The following MSMO1 variants were observed in gnomAD, a reference collection of about 807,000 sequenced individuals.
MSMO1 encodes the protein methylsterol monooxygenase 1.
MSMO1 carries 18 observed loss-of-function variants against 30.4 expected under a neutral mutation model. That is an observed-to-expected ratio of 0.59 (90% confidence interval 0.41 to 0.88). The LOEUF (loss-of-function observed/expected upper bound fraction) is 0.88. Among genes scored for constraint, MSMO1 ranks in the 40% least tolerant of loss-of-function variants. The pLI, the probability that MSMO1 is intolerant of heterozygous loss-of-function variation, is 0.00. For synonymous variants in MSMO1, 84 were observed against 107.9 expected, an observed-to-expected ratio of 0.78 and a Z score of 1.37; for missense variants, 284 against 340.5, an observed-to-expected ratio of 0.83 and a Z score of 1.31.
At chr4:165,336,126 T>C (rs1419090331) in intron 2 of MSMO1, among the ~76,000 whole-genome samples, 1 of 152,156 alleles carries the variant, frequency 6.6e-6, no homozygotes, top group African/African-American at 2.4e-5. Context: ...AAAGACTTTC[T>C]GCTTTCAAAC....
At chr4:165,332,818 C>G (rs1328647326) in intron 1 of MSMO1, among the ~76,000 whole-genome samples, 1 of 152,108 alleles carries the variant, frequency 6.6e-6, no homozygotes, top group East Asian at 1.9e-4. Flanking sequence ...AGTCTTTTTT[C>G]TAAAGCACAC....
Position 165,337,827 on chromosome 4 carries a change from C to G in MSMO1, c.294C>G (p.Phe98Leu). The change falls in exon 3 of 6, where the codon TTC becomes TTG. Residue 98 changes from phenylalanine (F) to leucine (L), a missense_variant. By Grantham distance (22) the Phe-to-Leu change is conservative (BLOSUM62 0). Transcript: ENST00000261507. ...PETWENQWKC[F>L]KVLLFNHFCI... ...CATGGGAAAACCAATGGAAGTGTTT[C>G]AAAGTTCTTCTCTTTAATCACTTCT... 1.2e-6 allele frequency: 2 copies of G among 1,613,522 alleles called. No homozygotes were observed. Among genetic ancestry groups the G allele is most frequent in the Non-Finnish European group, 1.7e-6 (2 of 1,179,668 alleles).
chr4:165,333,563 T>A lies in MSMO1; in HGVS notation c.193T>A (p.Phe65Ile), dbSNP rs1426739075. Reference protein sequence around the residue: ...LIVHEALYFLFCLPGFLFQFI... With the variant: ...LIVHEALYFLICLPGFLFQFI... The stretch of plus-strand genomic sequence containing the variant: ...AGTTCATGAAGCCCTTTATTTCTTA[T>A]TCTGTTTACCTGGATTTTTATTTCA... The change falls in exon 2 of 6, where the codon TTC becomes ATC. Residue 65 changes from phenylalanine to isoleucine, a missense_variant. Phe to Ile is a conservative substitution (Grantham distance 21). Transcript: ENST00000261507. 1.2e-6 allele frequency: 2 copies of A among 1,609,334 alleles called. No homozygotes were observed. Among genetic ancestry groups the A allele is most frequent in the Non-Finnish European group, 1.7e-6 (2 of 1,178,314 alleles).
intron 4 of MSMO1, among the ~76,000 whole-genome samples, chr4:165,339,096 CTTTTTTTTTTT>C (rs869192459): frequency 3.3e-5 from 2 of 60,510 alleles, no homozygotes; most frequent in Non-Finnish European, 5.5e-5. Context: ...ATGAGCACTG[CTTTTTTTTTTT>C]TTTTTTTTTT....
Position 165,342,853 on chromosome 4 carries a change from A to G in MSMO1, c.*907A>G, listed in dbSNP as rs1747753525. 1 of 152,462 alleles carries G rather than the reference A, an allele frequency of 6.6e-6. No homozygotes were observed. The highest frequency in any genetic ancestry group is 1.9e-4 in the East Asian group (1 of 5,186). 9.4% of individuals were successfully genotyped at this position (152,462 alleles called of 1,614,324 possible). On this transcript the variant is annotated 3_prime_UTR_variant, in exon 6 of 6. Transcript: ENST00000261507. ...GAGTCCTTCTTGATTGCAGTGCAGT[A>G]CTGGCATTTCTGAATGGATGTAAGT... is the stretch of plus-strand genomic sequence containing the variant.
rs7674685 is a variant in MSMO1, at chr4:165,340,117, G to A, written c.532-104G>A. ...TACCTTCACAACAACATCTAGACTG[G>A]TATTTAATCAAACAGTTGGATATCA... On this transcript the variant is annotated intron_variant, in intron 4 of 5. Transcript: ENST00000261507. 8,722 of 935,308 alleles carry A rather than the reference G, an allele frequency of 9.3e-3. 463 individuals are homozygous for A. In the African/African-American group the frequency reaches 0.12, roughly 13 times the overall value. The allele number at this position is 935,308 out of a possible 1,614,324, so 57.9% of individuals were successfully genotyped here. A position where few individuals can be genotyped will look rare whatever the true frequency, so the allele number is the denominator to read the frequency against.
intron 5 of MSMO1, among the ~76,000 whole-genome samples, chr4:165,341,425 G>A (rs1261445710): frequency 1.3e-5 from 2 of 152,090 alleles, no homozygotes; most frequent in Non-Finnish European, 2.9e-5. Context: ...TGGTGAGAAA[G>A]CTTCCTCTAA....
At chr4:165,337,089 T>A (rs756090) in intron 2 of MSMO1, among the ~76,000 whole-genome samples, 101,874 of 152,152 alleles carry the variant, frequency 0.67, 34,593 homozygotes, top group African/African-American at 0.74. Flanking sequence ...ATCGTTTTGT[T>A]AAGCCCAAAG....
At chr4:165,333,291 T>C in intron 1 of MSMO1, 49 bp from the exon 2 acceptor site, 3 of 1,467,144 alleles carry the variant, frequency 2.0e-6, no homozygotes, top group Non-Finnish European at 2.8e-6. Flanking sequence ...CTGTTTTATT[T>C]TTTGAAAGCT....
At position 165,333,775 on chromosome 4, in the gene MSMO1, C is replaced by A. The variant is rs1046083324; in HGVS notation, c.255+150C>A. On this transcript the variant is annotated intron_variant, in intron 2 of 5. Transcript: ENST00000261507. The stretch of plus-strand genomic sequence containing the variant: ...TAATTTTAAATTTTCTAGTAGAATA[C>A]ATAGAAAAGGTAAAAAGAAATAAGG... 7.8e-6 allele frequency: 7 copies of A among 893,910 alleles called. No homozygotes were observed. The South Asian group carries it at 9.2e-5, about 12-fold the overall frequency. The allele number at this position is 893,910 out of a possible 1,614,324, so 55.4% of individuals were successfully genotyped here.
chr4:165,329,383 T>G (rs1395650123), intron 1 of MSMO1, among the ~76,000 whole-genome samples: 4 of 152,116 alleles, frequency 2.6e-5, no homozygotes, highest in African/African-American at 9.7e-5. Context: ...CACATAATTT[T>G]TGATGGTTTG....
In MSMO1 at chr4:165,342,193, G is replaced by C. The variant is rs1205415502; in HGVS notation, c.*247G>C. The C allele has an allele frequency of 2.7e-6, 1 of 370,114 alleles. No homozygotes were observed. The highest frequency in any genetic ancestry group is 4.4e-5 in the Admixed American group (1 of 22,960). The allele number at this position is 370,114 out of a possible 1,614,324, so 22.9% of individuals were successfully genotyped here. ...TCATGAGGAAGTTTTAAAAGACCATGTTCCTAAGCTTCCAAGAAGGTTTTG... is the reference window on the plus strand; with the variant it reads ...TCATGAGGAAGTTTTAAAAGACCATCTTCCTAAGCTTCCAAGAAGGTTTTG... On this transcript the variant is annotated 3_prime_UTR_variant, in exon 6 of 6. Transcript: ENST00000261507.
chr4:165,329,728 G>A (rs938625860), intron 1 of MSMO1, among the ~76,000 whole-genome samples: 3 of 138,128 alleles, frequency 2.2e-5, no homozygotes, highest in Non-Finnish European at 4.6e-5. Context: ...TCAGCCTCCC[G>A]GGTTCAAGCA....
At position 165,333,514 on chromosome 4, in the gene MSMO1, G is replaced by C; in HGVS notation, c.144G>C (p.Gln48His). The change falls in exon 2 of 6, where the codon CAG becomes CAC. Residue 48 changes from glutamine (Q) to histidine (H), a missense_variant. Physicochemically the swap from Gln to His is conservative, Grantham distance 24 (BLOSUM62 0). Transcript: ENST00000261507. ...NYMLNNYTKF[Q>H]IATWGSLIVH... is the part of the protein sequence containing the mutation. ...TGTTGAATAATTATACAAAGTTCCA[G>C]ATTGCAACATGGGGATCCCTTATAG... 6.2e-7 allele frequency: 1 copy of C among 1,613,586 alleles called. No homozygotes were observed. The highest frequency in any genetic ancestry group is 8.5e-7 in the Non-Finnish European group (1 of 1,179,762).
chr4:165,329,706 C>T (rs1244386961), intron 1 of MSMO1, among the ~76,000 whole-genome samples: 1 of 131,050 alleles, frequency 7.6e-6, no homozygotes, highest in African/African-American at 3.0e-5. Flanking sequence ...GTGATCTCTG[C>T]TCGCTGCAAC....
intron 2 of MSMO1, among the ~76,000 whole-genome samples, chr4:165,337,393 T>C (rs1454898949): frequency 6.6e-6 from 1 of 152,220 alleles, no homozygotes; most frequent in Non-Finnish European, 1.5e-5. Context: ...ATCGACTTAC[T>C]GTGTAAAAGG....
Position 165,338,307 on chromosome 4 carries a change from TATA to T in MSMO1, c.405-344_405-342del, listed in dbSNP as rs1747615924. On this transcript the variant is annotated intron_variant, in intron 3 of 5. Coordinates refer to ENST00000261507, the MANE Select transcript of MSMO1 (RefSeq NM_006745.5). ...TTACATGAACAAAAATATGTATGTG[TATA>T]TATATATATATATATATATACACAC... is the stretch of plus-strand genomic sequence containing the variant. 2.8e-4 allele frequency among the ~76,000 whole-genome samples: 3 copies of T among 10,832 alleles called. No individual in the cohort carries two copies. In the South Asian group the frequency reaches 0.043, roughly 155 times the overall value. 7.1% of individuals were successfully genotyped at this position (10,832 alleles called of 152,430 possible). A position where few individuals can be genotyped will look rare whatever the true frequency, so the allele number is the denominator to read the frequency against.
chr4:165,328,060 T>C (rs1449581410), intron 1 of MSMO1: 1 of 152,374 alleles, frequency 6.6e-6, no homozygotes, highest in Non-Finnish European at 1.5e-5. Context: ...ACGTAGAAGA[T>C]AGTTGCAGCA....
chr4:165,332,178 G>A (rs562867717), intron 1 of MSMO1, among the ~76,000 whole-genome samples: 1 of 152,272 alleles, frequency 6.6e-6, no homozygotes, highest in Admixed American at 6.5e-5. Context: ...GTGTGTCTGT[G>A]TATATACATA....
Sources: allele counts gnomAD v4.1 joint callset (sites outside exome capture counted in the v4.1 genomes callset), GRCh38; gene constraint gnomAD v4.1.1; transcripts MANE v1.5; gene names NCBI Gene and HGNC (gene_info 2026-07-23, HGNC 2026-07-21).